Variants in CACNA1D observed in about 807,000 individuals in gnomAD.
CACNA1D encodes voltage-dependent L-type calcium channel subunit alpha-1D.
CACNA1D carries 55 observed loss-of-function variants against 257.1 expected under a neutral mutation model. The observed-to-expected ratio is 0.21, with a 90% CI of 0.17 to 0.27. The LOEUF (loss-of-function observed/expected upper bound fraction) is 0.27. CACNA1D is among the 10% of genes least tolerant of loss of function. CACNA1D has a pLI of 1.00. For synonymous variants in CACNA1D, 980 were observed against 1,014.9 expected, an observed-to-expected ratio of 0.97 and a Z score of 0.65; for missense variants, 1,876 against 2,784.0, an observed-to-expected ratio of 0.67 and a Z score of 7.34.
At chr3:53,598,707 G>A (rs1433994340) in intron 3 of CACNA1D, among the ~76,000 whole-genome samples, 1 of 152,158 alleles carries the variant, frequency 6.6e-6, no homozygotes, top group African/African-American at 2.4e-5. Context: ...AGAAAGCCTG[G>A]CTTCAGAAGA....
chr3:53,544,739 G>A lies in CACNA1D; in HGVS notation c.483+43019G>A, dbSNP rs542808839. On this transcript the variant is annotated intron_variant, in intron 3 of 47. Transcript: ENST00000350061. Reference sequence around the variant, plus strand: ...ATTTAGATGCAGAGGTTGGCATGGCGAATCGGATGGTTTGAGGGTAGTGGG... The same window carrying A: ...ATTTAGATGCAGAGGTTGGCATGGCAAATCGGATGGTTTGAGGGTAGTGGG... 2.6e-5 allele frequency among the ~76,000 whole-genome samples: 4 copies of A among 152,294 alleles called. No individual in the cohort carries two copies. The East Asian group carries it at 5.8e-4, about 22-fold the overall frequency.
intron 45 of CACNA1D, among the ~76,000 whole-genome samples, chr3:53,807,153 G>A (rs941132646): frequency 6.6e-6 from 1 of 151,718 alleles, no homozygotes; most frequent in Non-Finnish European, 1.5e-5. Context: ...TGAGATGGTG[G>A]GGATCCCTGG....
chr3:53,794,285 G>A (rs570702235), intron 40 of CACNA1D, among the ~76,000 whole-genome samples: 15 of 152,320 alleles, frequency 9.8e-5, no homozygotes, highest in African/African-American at 2.4e-4. Flanking sequence ...TGATCTGTGC[G>A]AAGGAGCTGG....
rs114105467 is a variant in CACNA1D, at chr3:53,781,110, G to A, written c.4691-456G>A. ...CAAGTGTCAGCTCATATAATAAAAG[G>A]CCAAGGTTATGTTGTATGGATGAGT... On this transcript the variant is annotated intron_variant, in intron 38 of 47. Coordinates refer to ENST00000350061, the MANE Select transcript of CACNA1D (RefSeq NM_001128840.3). Among the ~76,000 whole-genome samples the A allele has an allele frequency of 5.3e-3, 808 of 152,332 alleles. 8 individuals are homozygous for A. Among genetic ancestry groups the A allele is most frequent in the African/African-American group, 0.018 (766 of 41,572 alleles).
At position 53,526,224 on chromosome 3, in the gene CACNA1D, G is replaced by A. The variant is rs181149015; in HGVS notation, c.483+24504G>A. Among the ~76,000 whole-genome samples the A allele has an allele frequency of 1.2e-4, 19 of 152,274 alleles. No homozygotes were observed. In the East Asian group the frequency reaches 3.7e-3, roughly 29 times the overall value. ...GGCCAGGTCATGTGCGTCACCCCTC[G>A]ACCTGGGGAGGAGCCAACTCTACCC... On this transcript the variant is annotated intron_variant, in intron 3 of 47. Transcript: ENST00000350061.
At chr3:53,773,302 ATTG>A (rs1297978403) in intron 33 of CACNA1D, 4 of 298,688 alleles carry the variant, frequency 1.3e-5, no homozygotes, top group African/African-American at 4.3e-5. Context: ...TTTTGTGACC[ATTG>A]TTGTGCTTTA....
intron 3 of CACNA1D, among the ~76,000 whole-genome samples, chr3:53,616,556 C>G (rs756999227): frequency 1.1e-4 from 16 of 152,212 alleles, no homozygotes; most frequent in Non-Finnish European, 2.2e-4. Context: ...CTTCCGTCTT[C>G]TTCCTACCCA....
chr3:53,671,818 C>T (rs1338435082), intron 7 of CACNA1D, among the ~76,000 whole-genome samples: 1 of 152,188 alleles, frequency 6.6e-6, no homozygotes, highest in African/African-American at 2.4e-5. Context: ...AAAGTTAAAA[C>T]CTGGAGCCAG....
At chr3:53,799,900 T>C (rs2095527437) in intron 40 of CACNA1D, 1 of 363,810 alleles carries the variant, frequency 2.7e-6, no homozygotes, top group East Asian at 6.7e-5. Flanking sequence ...ATAGGGCTCT[T>C]GTAGGCGAGC....
intron 3 of CACNA1D, among the ~76,000 whole-genome samples, chr3:53,516,200 G>C (rs1302255137): frequency 2.6e-5 from 4 of 152,220 alleles, no homozygotes; most frequent in Non-Finnish European, 5.9e-5. Context: ...TAGTTCAAGA[G>C]AGTCTTACCT....
intron 11 of CACNA1D, among the ~76,000 whole-genome samples, chr3:53,720,565 A>G (rs943687316): frequency 2.6e-5 from 4 of 152,260 alleles, no homozygotes; most frequent in Non-Finnish European, 4.4e-5. Context: ...AGTGTCAATA[A>G]TAGAAAAACC....
At chr3:53,696,505 G>T (rs773572683) in intron 8 of CACNA1D, among the ~76,000 whole-genome samples, 3 of 152,216 alleles carry the variant, frequency 2.0e-5, no homozygotes, top group African/African-American at 4.8e-5. Flanking sequence ...CTCTGGTTAG[G>T]TTGCAAGGCT....
intron 37 of CACNA1D, among the ~76,000 whole-genome samples, 160 bp from the exon 38 acceptor site, chr3:53,779,866 C>G (rs1184727839): frequency 6.6e-6 from 1 of 152,084 alleles, no homozygotes; most frequent in Admixed American, 6.5e-5. Context: ...AACTTGACAC[C>G]TAAATTAACC....
At chr3:53,509,084 T>C (rs1389511607) in intron 3 of CACNA1D, among the ~76,000 whole-genome samples, 1 of 152,064 alleles carries the variant, frequency 6.6e-6, no homozygotes, top group Non-Finnish European at 1.5e-5. Context: ...ATAAGGAGAG[T>C]GGTGGAGGCG....
intron 3 of CACNA1D, among the ~76,000 whole-genome samples, chr3:53,591,939 C>T (rs1214650077): frequency 6.6e-6 from 1 of 152,164 alleles, no homozygotes; most frequent in Non-Finnish European, 1.5e-5. Flanking sequence ...AGGCTCTCCA[C>T]CTTCTCTGCC....
intron 30 of CACNA1D, among the ~76,000 whole-genome samples, chr3:53,767,385 T>G (rs1183006665): frequency 6.6e-6 from 1 of 151,952 alleles, no homozygotes; most frequent in Non-Finnish European, 1.5e-5. Flanking sequence ...GCCAACATGG[T>G]GAAACCTCAT....
intron 3 of CACNA1D, among the ~76,000 whole-genome samples, chr3:53,521,962 CAAA>C (rs34352856): frequency 7.2e-5 from 9 of 125,494 alleles, no homozygotes; most frequent in Admixed American, 3.2e-4. Context: ...CCATCTCTAC[CAAA>C]AAAAAAAAAA....
intron 9 of CACNA1D, among the ~76,000 whole-genome samples, chr3:53,709,850 C>A (rs993551925): frequency 2.6e-5 from 4 of 152,210 alleles, no homozygotes; most frequent in Non-Finnish European, 5.9e-5. Context: ...AACAACCTTA[C>A]GCAGTACAGG....
intron 8 of CACNA1D, among the ~76,000 whole-genome samples, chr3:53,702,040 G>T (rs1448270686): frequency 3.3e-5 from 5 of 152,294 alleles, no homozygotes; most frequent in Non-Finnish European, 7.4e-5. Context: ...GGTTGTGGAG[G>T]GGGTGGGGAC....
Sources: allele counts gnomAD v4.1 joint callset (sites outside exome capture counted in the v4.1 genomes callset), GRCh38; gene constraint gnomAD v4.1.1; transcripts MANE v1.5; gene names NCBI Gene and HGNC (gene_info 2026-07-23, HGNC 2026-07-21).